The following MTHFS variants were observed in gnomAD, a reference collection of about 807,000 sequenced individuals.
The protein encoded by MTHFS is 5-formyltetrahydrofolate cyclo-ligase.
In MTHFS, 7 loss-of-function variants were observed where a neutral mutation model predicts 12.7. The ratio of observed to expected loss-of-function variants is 0.55; its 90% CI spans 0.31 to 1.03. The LOEUF is 1.03. MTHFS is among the 50% of genes least tolerant of loss of function. The pLI is 0.05. For synonymous variants in MTHFS, 100 were observed against 97.1 expected (o/e 1.03, Z -0.18); for missense variants, 252 against 258.1 (o/e 0.98, Z 0.16).
At chr15:79,888,678 G>A (rs1467342135) in intron 2 of MTHFS, among the ~76,000 whole-genome samples, 4 of 152,208 alleles carry the variant, frequency 2.6e-5, no homozygotes, top group East Asian at 3.9e-4. Context: ...ATGACCTGGA[G>A]ATTTCTGGCA....
intron 1 of MTHFS, among the ~76,000 whole-genome samples, chr15:79,892,214 C>T (rs2034486909): frequency 6.6e-6 from 1 of 151,842 alleles, no homozygotes; most frequent in Non-Finnish European, 1.5e-5. Flanking sequence ...CCAAGAAAGA[C>T]AAAGATATTA....
chr15:79,880,130 C>T (rs1046646286), intron 2 of MTHFS, among the ~76,000 whole-genome samples: 2 of 151,554 alleles, frequency 1.3e-5, no homozygotes, highest in African/African-American at 2.4e-5. Context: ...AGTGCAGTGG[C>T]ATGATCTCAG....
chr15:79,871,074 TG>T lies in MTHFS; in HGVS notation c.379+18018del, dbSNP rs558361338. Among the ~76,000 whole-genome samples the T allele has an allele frequency of 1.7e-3, 258 of 151,722 alleles. 1 individual carries two copies. Among genetic ancestry groups the T allele is most frequent in the African/African-American group, 5.9e-3 (243 of 41,346 alleles). ...AGGAGAATTACTTGAACCTGGGAGG[TG>T]GAAGTTGCAGTGAGCCAAGATTGCT... On this transcript the variant is annotated intron_variant, in intron 2 of 2. Coordinates refer to ENST00000258874, the MANE Select transcript of MTHFS (RefSeq NM_006441.4).
chr15:79,874,345 T>C (rs1375145029), intron 2 of MTHFS, among the ~76,000 whole-genome samples: 1 of 152,104 alleles, frequency 6.6e-6, no homozygotes, highest in African/African-American at 2.4e-5. Flanking sequence ...AGCTTCATGG[T>C]AGACTTGAAA....
intron 2 of MTHFS, among the ~76,000 whole-genome samples, chr15:79,887,326 T>G (rs1216965938): frequency 1.3e-5 from 2 of 152,194 alleles, no homozygotes; most frequent in East Asian, 1.9e-4. Flanking sequence ...GGAAAAATAA[T>G]GCTTCTTCCT....
Position 79,867,086 on chromosome 15 carries a change from A to G in MTHFS, c.380-21644T>C, listed in dbSNP as rs926510084. On this transcript the variant is annotated intron_variant, in intron 2 of 2. Coordinates refer to ENST00000258874, the MANE Select transcript of MTHFS (RefSeq NM_006441.4). ...TACTTCCCATTTTCCCCCATTCTCCAGCCTCCCCTAACTCACCACTCCTAT... is the reference window on the plus strand; with the variant it reads ...TACTTCCCATTTTCCCCCATTCTCCGGCCTCCCCTAACTCACCACTCCTAT... Among the ~76,000 whole-genome samples the G allele has an allele frequency of 2.1e-4, 32 of 152,178 alleles. 1 individual carries two copies. The highest frequency in any genetic ancestry group is 2.0e-3 in the Admixed American group (31 of 15,280).
At chr15:79,852,244 C>T (rs1296915102) in intron 2 of MTHFS, among the ~76,000 whole-genome samples, 1 of 152,170 alleles carries the variant, frequency 6.6e-6, no homozygotes, top group Non-Finnish European at 1.5e-5. Context: ...TTAGAAAGAA[C>T]AGACTGAAGC....
intron 2 of MTHFS, among the ~76,000 whole-genome samples, chr15:79,861,139 A>C (rs2033906209): frequency 6.6e-6 from 1 of 152,190 alleles, no homozygotes; most frequent in African/African-American, 2.4e-5. Context: ...TTAATCTTCA[A>C]AACAATCTAG....
At chr15:79,857,793 G>T (rs1281055307) in intron 2 of MTHFS, among the ~76,000 whole-genome samples, 3 of 151,984 alleles carry the variant, frequency 2.0e-5, no homozygotes, top group Non-Finnish European at 4.4e-5. Flanking sequence ...GGCCAAGACA[G>T]ATCACGAGGT....
chr15:79,864,971 AC>A (rs1483918486), intron 2 of MTHFS, among the ~76,000 whole-genome samples: 1 of 152,290 alleles, frequency 6.6e-6, no homozygotes, highest in Admixed American at 6.5e-5. Context: ...AAAGAAAAAC[AC>A]CCCAAAAAAA....
At chr15:79,849,114 C>T (rs1354896959) in intron 2 of MTHFS, among the ~76,000 whole-genome samples, 1 of 152,122 alleles carries the variant, frequency 6.6e-6, no homozygotes. Context: ...GGAAACAGCC[C>T]TTCCTAGGTG....
intron 2 of MTHFS, among the ~76,000 whole-genome samples, chr15:79,880,728 T>C (rs2034282401): frequency 1.3e-5 from 2 of 150,282 alleles, no homozygotes; most frequent in South Asian, 4.2e-4. Context: ...TTTTATAAAG[T>C]GGGGTAAATG....
chr15:79,887,524 T>C (rs1467292530), intron 2 of MTHFS, among the ~76,000 whole-genome samples: 2 of 152,308 alleles, frequency 1.3e-5, no homozygotes, highest in Non-Finnish European at 2.9e-5. Flanking sequence ...AGGCACATTA[T>C]AGAGATGATA....
intron 2 of MTHFS, among the ~76,000 whole-genome samples, chr15:79,878,861 C>A (rs1596076618): frequency 6.8e-6 from 1 of 146,008 alleles, no homozygotes; most frequent in Non-Finnish European, 1.5e-5. Flanking sequence ...AGCTTATTCC[C>A]TTTTTTTTTT....
In MTHFS at chr15:79,879,859, T is replaced by C. The variant is rs1274854054; in HGVS notation, c.379+9234A>G. On this transcript the variant is annotated intron_variant, in intron 2 of 2. Coordinates refer to ENST00000258874, the MANE Select transcript of MTHFS (RefSeq NM_006441.4). ...AATTTCTTTCCTAGCTCTTTCTTGT[T>C]TTTTAATTAATCACAGGACTTCTTA... is the stretch of plus-strand genomic sequence containing the variant. Among the ~76,000 whole-genome samples the C allele has an allele frequency of 7.9e-5, 12 of 152,196 alleles. No homozygotes were observed. The East Asian group carries it at 2.3e-3, about 29-fold the overall frequency.
intron 1 of MTHFS, among the ~76,000 whole-genome samples, chr15:79,892,314 A>G (rs112651681): frequency 0.059 from 9,058 of 152,318 alleles, 324 homozygotes; most frequent in Middle Eastern, 0.12. Context: ...CCAGACCAGA[A>G]GAAGCAAGGG....
Position 79,890,207 on chromosome 15 carries a change from CTTTTTTTTTTT to C in MTHFS, c.118-864_118-854del, listed in dbSNP as rs71150999. 3.2e-4 allele frequency among the ~76,000 whole-genome samples: 32 copies of C among 100,734 alleles called. 1 individual carries two copies. The highest frequency in any genetic ancestry group is 1.5e-3 in the Admixed American group (12 of 8,250). The allele number at this position is 100,734 out of a possible 152,430, so 66.1% of individuals were successfully genotyped here. A position where few individuals can be genotyped will look rare whatever the true frequency, so the allele number is the denominator to read the frequency against. The stretch of plus-strand genomic sequence containing the variant: ...AGTTAGCCCTTCGCTCTCTTTTTTC[CTTTTTTTTTTT>C]TTTTTTTTTTTTTTTTTGAGACAGG... On this transcript the variant is annotated intron_variant, in intron 1 of 2. Coordinates refer to ENST00000258874, the MANE Select transcript of MTHFS (RefSeq NM_006441.4).
intron 1 of MTHFS, among the ~76,000 whole-genome samples, chr15:79,894,793 C>T (rs1208392668): frequency 6.6e-6 from 1 of 152,194 alleles, no homozygotes; most frequent in African/African-American, 2.4e-5. Context: ...TATTCTCTAA[C>T]CTCTTCCAAT....
At position 79,845,437 on chromosome 15, in the gene MTHFS, GT is replaced by G; in HGVS notation, c.384del (p.Asp130IlefsTer28). The G allele has an allele frequency of 6.2e-7, 1 of 1,612,488 alleles. No individual in the cohort carries two copies. The highest frequency in any genetic ancestry group is 2.2e-5 in the East Asian group (1 of 44,850). On this transcript the variant is annotated frameshift_variant, in exon 3 of 3. Transcript: ENST00000258874. LOFTEE classifies it low-confidence loss of function (END_TRUNC). ...DVREEALSTG[G>X]LDLIFMPGLG... Reference sequence around the variant, plus strand: ...AGGCCTGGCATGAAGATGAGATCAAGTCCCCCTGCGGAAAAGAGGAACAAAT... The same window carrying G: ...AGGCCTGGCATGAAGATGAGATCAAGCCCCCTGCGGAAAAGAGGAACAAAT...
Sources: allele counts gnomAD v4.1 joint callset (sites outside exome capture counted in the v4.1 genomes callset), GRCh38; gene constraint gnomAD v4.1.1; transcripts MANE v1.5; gene names NCBI Gene and HGNC (gene_info 2026-07-23, HGNC 2026-07-21).